NDST1: variants seen among roughly 807,000 people sequenced by gnomAD.
NDST1 encodes the protein bifunctional heparan sulfate N-deacetylase/N-sulfotransferase 1.
In NDST1, 35 loss-of-function variants were observed where a neutral mutation model predicts 92.8. That is an observed-to-expected ratio of 0.38 (90% CI 0.29 to 0.50). The LOEUF (loss-of-function observed/expected upper bound fraction) is 0.50. NDST1 is among the 20% of genes least tolerant of loss of function. The pLI, the probability that NDST1 is intolerant of heterozygous loss-of-function variation, is 0.94. For synonymous variants in NDST1, 493 were observed against 500.3 expected, an observed-to-expected ratio of 0.99 and a Z score of 0.19; for missense variants, 822 against 1,182.7, an observed-to-expected ratio of 0.69 and a Z score of 4.47.
At chr5:150,522,144 A>G (rs1010258812) in intron 2 of NDST1, among the ~76,000 whole-genome samples, 1 of 152,112 alleles carries the variant, frequency 6.6e-6, no homozygotes, top group Non-Finnish European at 1.5e-5. Context: ...GAGCAAACCA[A>G]GGCTCCGGGT....
chr5:150,549,034 C>T lies in NDST1; in HGVS notation c.2317-644C>T, dbSNP rs186042303. On this transcript the variant is annotated intron_variant, in intron 12 of 14. Transcript: ENST00000261797. ...ATGTATTTATTTATTTATTTAGAGA[C>T]GGAGTCTCGCTCTGTCTCCCAGGCT... 5.1e-3 allele frequency among the ~76,000 whole-genome samples: 781 copies of T among 152,214 alleles called. 5 individuals are homozygous for T. Among genetic ancestry groups the T allele is most frequent in the African/African-American group, 0.018 (737 of 41,522 alleles).
intron 12 of NDST1, among the ~76,000 whole-genome samples, chr5:150,548,619 C>T (rs1755592700): frequency 6.6e-6 from 1 of 152,042 alleles, no homozygotes; most frequent in African/African-American, 2.4e-5. Context: ...TCACTATAGC[C>T]TCGATGTCCC....
intron 7 of NDST1, 114 bp downstream of exon 7, chr5:150,539,470 C>G: frequency 6.3e-7 from 1 of 1,597,022 alleles, no homozygotes; most frequent in Non-Finnish European, 8.5e-7. Context: ...GAGTGAGTGC[C>G]TGGCAGTTGG....
chr5:150,549,272 A>G (rs897848566), intron 12 of NDST1, among the ~76,000 whole-genome samples: 1 of 152,144 alleles, frequency 6.6e-6, no homozygotes, highest in Non-Finnish European at 1.5e-5. Flanking sequence ...CCAGCATCCC[A>G]AAGTGCTGAG....
At chr5:150,546,906 G>A (rs1261420552) in intron 11 of NDST1, among the ~76,000 whole-genome samples, 1 of 152,226 alleles carries the variant, frequency 6.6e-6, no homozygotes, top group Non-Finnish European at 1.5e-5. Context: ...CTTGTCAAGT[G>A]TTTCTGTTTT....
chr5:150,512,008 G>A (rs1753746805), intron 1 of NDST1, among the ~76,000 whole-genome samples: 1 of 151,936 alleles, frequency 6.6e-6, no homozygotes, highest in South Asian at 2.1e-4. Flanking sequence ...TCAGCTATGG[G>A]GAGTGGCCCT....
At chr5:150,539,546 C>CTT in intron 7 of NDST1, 190 bp downstream of exon 7, 1 of 1,438,352 alleles carries the variant, frequency 7.0e-7, no homozygotes, top group South Asian at 1.4e-5. Flanking sequence ...TCCGAGCATG[C>CTT]TTTTTTTTTC....
Position 150,520,874 on chromosome 5 carries a change from C to T in NDST1, c.-381C>T, listed in dbSNP as rs1323248723. On this transcript the variant is annotated 5_prime_UTR_variant, in exon 2 of 15. Transcript: ENST00000261797. The stretch of plus-strand genomic sequence containing the variant: ...TTCTCTCCACTCTCCACAGCCTTAG[C>T]CCCGTGGGCCCCACGGAGTGAGCGG... The T allele has an allele frequency of 1.5e-5, 7 of 469,992 alleles. No homozygotes were observed. Among genetic ancestry groups the T allele is most frequent in the Non-Finnish European group, 2.6e-5 (7 of 268,420 alleles). The allele number at this position is 469,992 out of a possible 1,614,324, so 29.1% of individuals were successfully genotyped here.
chr5:150,538,143 G>A (rs766290372), intron 6 of NDST1, among the ~76,000 whole-genome samples: 3 of 152,226 alleles, frequency 2.0e-5, no homozygotes, highest in Non-Finnish European at 4.4e-5. Flanking sequence ...CAAAGGCCCT[G>A]AAGCGGGCTG....
At chr5:150,550,780 C>A (rs892631892) in intron 13 of NDST1, 8 of 152,246 alleles carry the variant, frequency 5.3e-5, no homozygotes, top group African/African-American at 1.9e-4. Context: ...TCAGAGATGC[C>A]TGGGTTAGGG....
rs990847937 is a variant in NDST1, at chr5:150,545,453, C to G, written c.2112C>G (p.Ile704Met). 1 of 1,614,138 alleles carries G rather than the reference C, an allele frequency of 6.2e-7. No homozygotes were observed. Among genetic ancestry groups the G allele is most frequent in the Admixed American group, 1.7e-5 (1 of 60,016 alleles). The change falls in exon 11 of 15, where the codon ATC becomes ATG. Residue 704 changes from isoleucine (I) to methionine (M), a missense_variant. Transcript: ENST00000261797. ...LPKAKVLTIL[I>M]NPADRAYSWY... ...AAGCCAAGGTCCTGACCATCCTCAT[C>G]AACCCCGCGGACCGGGCCTATTCCT...
chr5:150,527,916 T>G lies in NDST1; in HGVS notation c.626T>G (p.Val209Gly). The G allele has an allele frequency of 6.2e-7, 1 of 1,614,208 alleles. No homozygotes were observed. Among genetic ancestry groups the G allele is most frequent in the Non-Finnish European group, 8.5e-7 (1 of 1,180,034 alleles). Residue 209 changes from valine to glycine, a missense_variant, in exon 3 of 15, where the codon GTG becomes GGG. Physicochemically the swap from Val to Gly is moderately radical, Grantham distance 109 (BLOSUM62 -3). Transcript: ENST00000261797. ...AACCCCAAGTCCCCGCTGCTCTACG[T>G]GACGCGACCTAGCGAGGTGGAGAAA... ...SINPKSPLLY[V>G]TRPSEVEKGV... is the part of the protein sequence containing the mutation.
At chr5:150,501,052 T>C (rs896717561) in intron 1 of NDST1, among the ~76,000 whole-genome samples, 1 of 152,194 alleles carries the variant, frequency 6.6e-6, no homozygotes, top group Non-Finnish European at 1.5e-5. Flanking sequence ...CGGTTGGGTG[T>C]GCAAATTACC....
At chr5:150,527,721 A>C (rs1293954419) in intron 2 of NDST1, 83 bp from the exon 3 acceptor site, 3 of 1,589,178 alleles carry the variant, frequency 1.9e-6, no homozygotes, top group Non-Finnish European at 2.6e-6. Context: ...TACCACTGTT[A>C]TGGTCCACAT....
upstream of NDST1, among the ~76,000 whole-genome samples, chr5:150,507,946 A>G (rs966433843): frequency 1.3e-5 from 2 of 152,208 alleles, no homozygotes; most frequent in African/African-American, 4.8e-5. Flanking sequence ...GGAGGAGGAC[A>G]TCCTCTTTCT....
At chr5:150,498,255 T>C (rs1753080359) in intron 1 of NDST1, 1 of 152,390 alleles carries the variant, frequency 6.6e-6, no homozygotes, top group Non-Finnish European at 1.5e-5. Flanking sequence ...TTACTTTGTC[T>C]GTGCTTCCTC....
intron 1 of NDST1, among the ~76,000 whole-genome samples, chr5:150,511,734 G>A (rs1455171683): frequency 6.6e-6 from 1 of 152,164 alleles, no homozygotes; most frequent in Non-Finnish European, 1.5e-5. Flanking sequence ...GCACTGTGGG[G>A]GTGATGGGGG....
exon 1 of NDST1, chr5:150,498,154 GTAGCA>G (rs1434707442): frequency 6.6e-6 from 1 of 152,664 alleles, no homozygotes; most frequent in Non-Finnish European, 1.5e-5. Flanking sequence ...TGGTGGCAGT[GTAGCA>G]TCCTGGGTCA....
chr5:150,521,488 T>G lies in NDST1; in HGVS notation c.234T>G (p.Pro78=), dbSNP rs1420953580. ...LPLKPVQAAT[P]SRTDPLVLVF... is the part of the protein sequence containing the mutation. ...TCAAGCCTGTGCAGGCAGCCACCCCTTCCCGCACAGACCCGTTGGTGCTGG... is the reference window on the plus strand; with the variant it reads ...TCAAGCCTGTGCAGGCAGCCACCCCGTCCCGCACAGACCCGTTGGTGCTGG... Residue 78 remains proline, a synonymous_variant, in exon 2 of 15, where the codon CCT becomes CCG. Coordinates refer to ENST00000261797, the MANE Select transcript of NDST1 (RefSeq NM_001543.5). The surrounding 1 kb of genome is among the most constrained non-coding windows in gnomAD (Gnocchi z 5.9). The G allele has an allele frequency of 1.9e-6, 3 of 1,613,948 alleles. No homozygotes were observed. Among genetic ancestry groups the G allele is most frequent in the Non-Finnish European group, 2.5e-6 (3 of 1,179,974 alleles).
Sources: allele counts gnomAD v4.1 joint callset (sites outside exome capture counted in the v4.1 genomes callset), GRCh38; gene constraint gnomAD v4.1.1; non-coding constraint Gnocchi (gnomAD v3.1); transcripts MANE v1.5; gene names NCBI Gene and HGNC (gene_info 2026-07-23, HGNC 2026-07-21).